LRP1B: variants seen among roughly 807,000 people sequenced by gnomAD.
The protein encoded by LRP1B is LDL receptor related protein 1B.
LRP1B carries 217 observed loss-of-function variants against 556.6 expected under a neutral mutation model. The observed-to-expected ratio is 0.39, with a 90% CI of 0.35 to 0.44. LRP1B has a LOEUF of 0.44. LRP1B is among the 20% of genes least tolerant of loss of function. LRP1B has a pLI of 1.00. For synonymous variants in LRP1B, 2,047 were observed against 1,865.8 expected (o/e 1.10, Z -2.50); for missense variants, 5,053 against 5,620.8 (o/e 0.90, Z 3.23).
intron 1 of LRP1B, among the ~76,000 whole-genome samples, chr2:141,968,379 G>C (rs772331615): frequency 5.3e-5 from 8 of 151,652 alleles, no homozygotes; most frequent in Non-Finnish European, 1.2e-4. Flanking sequence ...AGACTCCAAA[G>C]TAATAGGAAA....
At chr2:140,624,892 T>C (rs781207962) in intron 41 of LRP1B, among the ~76,000 whole-genome samples, 1 of 152,122 alleles carries the variant, frequency 6.6e-6, no homozygotes, top group Non-Finnish European at 1.5e-5. Flanking sequence ...AAGGGGCAAA[T>C]TGCATATTCC....
At chr2:140,869,070 G>A (rs975133768) in intron 25 of LRP1B, among the ~76,000 whole-genome samples, 2 of 152,014 alleles carry the variant, frequency 1.3e-5, no homozygotes, top group Non-Finnish European at 2.9e-5. Flanking sequence ...TCTGAATGAT[G>A]CCTTTAACCT....
At chr2:140,268,633 C>T (rs759892816) in intron 86 of LRP1B, among the ~76,000 whole-genome samples, 14 of 151,924 alleles carry the variant, frequency 9.2e-5, no homozygotes, top group Non-Finnish European at 1.9e-4. Flanking sequence ...AAAATAATTT[C>T]CATTGTCATG....
At chr2:141,843,893 C>T (rs576849833) in intron 1 of LRP1B, among the ~76,000 whole-genome samples, 11 of 152,198 alleles carry the variant, frequency 7.2e-5, no homozygotes, top group Non-Finnish European at 1.5e-4. Context: ...ACCTCATTTA[C>T]CCAGCAAATG....
At chr2:140,817,714 ATG>A (rs1191382584) in intron 31 of LRP1B, among the ~76,000 whole-genome samples, 2 of 152,098 alleles carry the variant, frequency 1.3e-5, no homozygotes, top group Admixed American at 6.5e-5. Context: ...AGTTCATTTT[ATG>A]TGTCTCATTT....
intron 37 of LRP1B, among the ~76,000 whole-genome samples, chr2:140,706,171 G>A (rs1686829541): frequency 2.0e-5 from 3 of 152,042 alleles, no homozygotes; most frequent in Admixed American, 6.6e-5. Context: ...ATTTGTCCCT[G>A]GTTTTTGACC....
At chr2:142,027,418 G>C (rs573897419) in intron 1 of LRP1B, among the ~76,000 whole-genome samples, 4 of 150,900 alleles carry the variant, frequency 2.7e-5, no homozygotes, top group African/African-American at 9.8e-5. Flanking sequence ...TATATTTATA[G>C]TCTATAAATA....
intron 66 of LRP1B, among the ~76,000 whole-genome samples, chr2:140,422,199 G>T (rs145755883): frequency 3.4e-4 from 52 of 152,314 alleles, no homozygotes; most frequent in African/African-American, 1.2e-3. Context: ...TAGCAAAAGA[G>T]ATATTCGATC....
chr2:140,872,852 A>C lies in LRP1B; in HGVS notation c.4170-4589T>G, dbSNP rs79477265. Reference sequence around the variant, plus strand: ...CATGAATCTGAAAGTCTAAGACAAGAAAAAAAAAAGGTCTTTATGAATCTA... The same window carrying C: ...CATGAATCTGAAAGTCTAAGACAAGCAAAAAAAAAGGTCTTTATGAATCTA... On this transcript the variant is annotated intron_variant, in intron 25 of 90. Transcript: ENST00000389484. Among the ~76,000 whole-genome samples the C allele has an allele frequency of 1.1e-3, 160 of 147,762 alleles. 1 individual carries two copies. The highest frequency in any genetic ancestry group is 3.8e-3 in the African/African-American group (151 of 39,288).
intron 2 of LRP1B, among the ~76,000 whole-genome samples, chr2:141,702,711 T>G (rs1691986014): frequency 1.3e-5 from 2 of 151,810 alleles, no homozygotes; most frequent in Non-Finnish European, 1.5e-5. Flanking sequence ...GATGGATTAT[T>G]GAAAAAAAAG....
At chr2:141,941,576 T>C (rs1450975381) in intron 1 of LRP1B, among the ~76,000 whole-genome samples, 1 of 152,068 alleles carries the variant, frequency 6.6e-6, no homozygotes, top group Non-Finnish European at 1.5e-5. Flanking sequence ...TCAGCTTGGT[T>C]AGGATGGGAA....
chr2:141,173,513 G>T (rs1182268915), intron 7 of LRP1B, among the ~76,000 whole-genome samples: 1 of 152,048 alleles, frequency 6.6e-6, no homozygotes, highest in African/African-American at 2.4e-5. Context: ...CATTCCCTCA[G>T]CAACTATCAG....
intron 3 of LRP1B, among the ~76,000 whole-genome samples, chr2:141,272,168 C>A (rs1037198369): frequency 6.6e-6 from 1 of 151,824 alleles, no homozygotes; most frequent in African/African-American, 2.4e-5. Flanking sequence ...ATATGTATAA[C>A]AATAATAGCA....
chr2:140,313,121 A>G (rs1684378684), intron 83 of LRP1B, among the ~76,000 whole-genome samples: 1 of 151,968 alleles, frequency 6.6e-6, no homozygotes, highest in African/African-American at 2.4e-5. Flanking sequence ...TTATAAAACC[A>G]CATTTTAAAA....
intron 32 of LRP1B, among the ~76,000 whole-genome samples, chr2:140,797,250 A>C (rs1317028233): frequency 6.6e-6 from 1 of 151,980 alleles, no homozygotes; most frequent in Admixed American, 6.6e-5. Flanking sequence ...CCAAAACCCA[A>C]TCTTCTTTTA....
intron 2 of LRP1B, among the ~76,000 whole-genome samples, chr2:141,710,218 A>T (rs1266108565): frequency 6.6e-6 from 1 of 151,590 alleles, no homozygotes; most frequent in Non-Finnish European, 1.5e-5. Flanking sequence ...TTACTATCAC[A>T]ACCCTCCTTT....
chr2:142,023,981 T>G (rs1235689529), intron 1 of LRP1B, among the ~76,000 whole-genome samples: 1 of 152,220 alleles, frequency 6.6e-6, no homozygotes, highest in Non-Finnish European at 1.5e-5. Context: ...ATTTTCAGTC[T>G]TTTAACAAAG....
At chr2:141,519,473 G>A (rs111313309) in intron 2 of LRP1B, among the ~76,000 whole-genome samples, 4,696 of 148,048 alleles carry the variant, frequency 0.032, 278 homozygotes, top group African/African-American at 0.11. Context: ...TGTTTTCAAA[G>A]AACAAATAAT....
intron 17 of LRP1B, among the ~76,000 whole-genome samples, chr2:140,985,357 T>C (rs73962105): frequency 0.032 from 4,837 of 150,720 alleles, 178 homozygotes; most frequent in African/African-American, 0.087. Flanking sequence ...TTTTTTAAAA[T>C]CAATTATACT....
Sources: gnomAD v4.1 joint callset for allele counts (sites outside exome capture counted in the v4.1 genomes callset) on GRCh38, gnomAD v4.1.1 for gene constraint, MANE v1.5 for transcripts, NCBI Gene and HGNC (gene_info 2026-07-23, HGNC 2026-07-21) for gene names.